The following PTPRK variants were observed in gnomAD, a reference collection of about 807,000 sequenced individuals.
The protein encoded by PTPRK is protein tyrosine phosphatase receptor type K, also known as receptor-type tyrosine-protein phosphatase kappa.
In PTPRK, 75 loss-of-function variants were observed where a neutral mutation model predicts 178.0. The observed-to-expected ratio is 0.42, with a 90% CI of 0.35 to 0.51. PTPRK has a LOEUF of 0.51. PTPRK is among the 20% of genes least tolerant of loss of function. PTPRK has a pLI of 0.02. For synonymous variants in PTPRK, 637 were observed against 620.6 expected, an observed-to-expected ratio of 1.03 and a Z score of -0.39; for missense variants, 1,441 against 1,797.8, an observed-to-expected ratio of 0.80 and a Z score of 3.59.
chr6:128,210,971 A>G (rs746193764), intron 6 of PTPRK, among the ~76,000 whole-genome samples: 9 of 152,186 alleles, frequency 5.9e-5, no homozygotes, highest in Non-Finnish European at 1.2e-4. Context: ...GAAAAACAAC[A>G]AAATATTTTC....
At chr6:128,253,603 C>A (rs1816823063) in intron 3 of PTPRK, among the ~76,000 whole-genome samples, 1 of 152,158 alleles carries the variant, frequency 6.6e-6, no homozygotes. Flanking sequence ...AATCCACAAG[C>A]AGAACCTTTT....
chr6:128,437,475 C>G (rs999177437), intron 1 of PTPRK, among the ~76,000 whole-genome samples: 1 of 152,136 alleles, frequency 6.6e-6, no homozygotes, highest in Non-Finnish European at 1.5e-5. Context: ...GCCCTGAATT[C>G]CTTTCCATGA....
At chr6:128,203,312 G>A (rs1346923508) in intron 6 of PTPRK, among the ~76,000 whole-genome samples, 1 of 151,980 alleles carries the variant, frequency 6.6e-6, no homozygotes, top group Non-Finnish European at 1.5e-5. Flanking sequence ...AGGCAAAATC[G>A]GCAATATCAT....
intron 6 of PTPRK, among the ~76,000 whole-genome samples, chr6:128,189,009 T>A (rs1010332808): frequency 6.6e-6 from 1 of 152,014 alleles, no homozygotes; most frequent in African/African-American, 2.4e-5. Context: ...ACATTACAGG[T>A]TCCAAGGATT....
In PTPRK at chr6:128,235,730, C is replaced by G. The variant is rs1813127711; in HGVS notation, c.693+4305G>C. On this transcript the variant is annotated intron_variant, in intron 5 of 29. Coordinates refer to ENST00000368226, the MANE Select transcript of PTPRK (RefSeq NM_002844.4). ...CATCGACATTGTGTGTTTCTGACAT[C>G]CCAACCATCAAAATCGTCATGGCTC... 3 of 355,034 alleles carry G rather than the reference C, an allele frequency of 8.4e-6. No individual in the cohort carries two copies. In the East Asian group the frequency reaches 3.0e-4, roughly 35 times the overall value. 22.0% of individuals were successfully genotyped at this position (355,034 alleles called of 1,614,324 possible). A position where few individuals can be genotyped will look rare whatever the true frequency, so the allele number is the denominator to read the frequency against.
intron 7 of PTPRK, among the ~76,000 whole-genome samples, chr6:128,091,111 G>A (rs1715728813): frequency 6.6e-6 from 1 of 152,142 alleles, no homozygotes; most frequent in South Asian, 2.1e-4. Context: ...AATCTGAAAT[G>A]AACTCTGGTG....
intron 5 of PTPRK, among the ~76,000 whole-genome samples, chr6:128,225,997 A>G (rs1583570083): frequency 6.6e-6 from 1 of 152,328 alleles, no homozygotes; most frequent in South Asian, 2.1e-4. Flanking sequence ...CAGCTATTCA[A>G]CAAGAAAAAG....
At chr6:128,346,079 T>A (rs1832396906) in intron 2 of PTPRK, among the ~76,000 whole-genome samples, 2 of 151,924 alleles carry the variant, frequency 1.3e-5, no homozygotes, top group South Asian at 2.1e-4. Context: ...TCTGAAAAAA[T>A]TTCCAATGAA....
rs148876947 is a variant in PTPRK, at chr6:128,128,275, T to G, written c.1163-38283A>C. Among the ~76,000 whole-genome samples the G allele has an allele frequency of 2.1e-3, 320 of 152,360 alleles. 8 individuals carry two copies. The highest frequency in any genetic ancestry group is 0.016 in the East Asian group (83 of 5,190). On this transcript the variant is annotated intron_variant, in intron 7 of 29. Coordinates refer to ENST00000368226, the MANE Select transcript of PTPRK (RefSeq NM_002844.4). The stretch of plus-strand genomic sequence containing the variant: ...TGAGGATCAAAATCTGTAGTTTGCA[T>G]AGCAAGTCAGACAAGGTGATCTCGA...
chr6:128,018,764 T>C (rs1772988197), intron 13 of PTPRK, among the ~76,000 whole-genome samples: 1 of 152,112 alleles, frequency 6.6e-6, no homozygotes, highest in Non-Finnish European at 1.5e-5. Context: ...TCTAGATTTC[T>C]GCACCATAAA....
chr6:128,427,235 T>C (rs747103171), intron 1 of PTPRK, among the ~76,000 whole-genome samples: 59 of 152,336 alleles, frequency 3.9e-4, no homozygotes, highest in Admixed American at 1.2e-3. Flanking sequence ...AGCACTATTA[T>C]TGACTCCACA....
chr6:128,497,856 G>T (rs1012375370), intron 1 of PTPRK, among the ~76,000 whole-genome samples: 1 of 151,640 alleles, frequency 6.6e-6, no homozygotes, highest in South Asian at 2.1e-4. Flanking sequence ...GGGGTGAGAT[G>T]ACTACGAATC....
chr6:128,438,295 GC>G (rs1255855898), intron 1 of PTPRK, among the ~76,000 whole-genome samples: 1 of 152,232 alleles, frequency 6.6e-6, no homozygotes, highest in African/African-American at 2.4e-5. Context: ...TTGAATGGAT[GC>G]CAACCCTTGG....
At chr6:128,466,866 TA>T (rs1849911601) in intron 1 of PTPRK, among the ~76,000 whole-genome samples, 2 of 152,108 alleles carry the variant, frequency 1.3e-5, no homozygotes, top group African/African-American at 2.4e-5. Context: ...AATAAACCCT[TA>T]AAAAATATCA....
At chr6:128,030,966 T>A (rs565654850) in intron 13 of PTPRK, among the ~76,000 whole-genome samples, 14 of 152,194 alleles carry the variant, frequency 9.2e-5, no homozygotes, top group Non-Finnish European at 1.5e-4. Context: ...GTTCAAAAAT[T>A]ACACTAAATG....
chr6:128,421,336 G>C (rs941337970), intron 1 of PTPRK, among the ~76,000 whole-genome samples: 3 of 152,184 alleles, frequency 2.0e-5, no homozygotes, highest in African/African-American at 2.4e-5. Flanking sequence ...AAACAAAATA[G>C]GGCTGGTTGC....
chr6:128,445,897 C>T (rs972749761), intron 1 of PTPRK, among the ~76,000 whole-genome samples: 2 of 152,126 alleles, frequency 1.3e-5, no homozygotes, highest in African/African-American at 2.4e-5. Flanking sequence ...CAATTAACCT[C>T]GACAGGGTTG....
chr6:128,490,015 T>C lies in PTPRK; in HGVS notation c.100+30244A>G, dbSNP rs138752750. Among the ~76,000 whole-genome samples, 114 of 152,336 alleles carry C rather than the reference T, an allele frequency of 7.5e-4. No individual in the cohort carries two copies. In the East Asian group the frequency reaches 0.011, roughly 15 times the overall value. On this transcript the variant is annotated intron_variant, in intron 1 of 29. Transcript: ENST00000368226. ...ACATTTTAAGAACTATTTTAAAACA[T>C]GTAACATACTAAACATATTTAAGTA... is the stretch of plus-strand genomic sequence containing the variant.
rs148898879 is a variant in PTPRK, at chr6:128,293,492, T to A, written c.495+28547A>T. On this transcript the variant is annotated intron_variant, in intron 3 of 29. Transcript: ENST00000368226. ...ATCATCTCTTAAAAGTCCTCCCTCT[T>A]AATAGAGGATACATTCAAACCATAG... Among the ~76,000 whole-genome samples, 305 of 152,212 alleles carry A rather than the reference T, an allele frequency of 2.0e-3. 1 individual carries two copies. The highest frequency in any genetic ancestry group is 6.8e-3 in the Middle Eastern group (2 of 294).
Sources: allele counts gnomAD v4.1 joint callset (sites outside exome capture counted in the v4.1 genomes callset), GRCh38; gene constraint gnomAD v4.1.1; transcripts MANE v1.5; gene names NCBI Gene and HGNC (gene_info 2026-07-23, HGNC 2026-07-21).